Variants in CARF observed in about 807,000 individuals in gnomAD.
CARF encodes calcium responsive transcription factor.
A neutral mutation model predicts 82.0 loss-of-function variants in CARF; 57 were observed. The ratio of observed to expected loss-of-function variants is 0.70; its 90% CI spans 0.56 to 0.87. CARF has a LOEUF of 0.87. Among genes scored for constraint, CARF ranks in the 40% least tolerant of loss-of-function variants. CARF has a pLI of 0.00. For missense variants in CARF, 771 were observed against 855.8 expected, an observed-to-expected ratio of 0.90 and a Z score of 1.24; for synonymous variants, 268 against 290.1, an observed-to-expected ratio of 0.92 and a Z score of 0.77.
In CARF at chr2:202,969,992, A is replaced by G; in HGVS notation, c.1027A>G (p.Ile343Val). 6.3e-7 allele frequency: 1 copy of G among 1,578,286 alleles called. No individual in the cohort carries two copies. The highest frequency in any genetic ancestry group is 8.5e-7 in the Non-Finnish European group (1 of 1,170,128). The change falls in exon 11 of 17, where the codon ATC (isoleucine) becomes GTC (valine). Residue 343 changes from isoleucine (I) to valine (V), a missense_variant. Coordinates refer to ENST00000438828, the MANE Select transcript of CARF (RefSeq NM_024744.17). ...PTDPKIDKKI[I>V]RMEQEKAFNM... ...AGACCCCAAAATTGACAAGAAAATTATCAGAATGGAGCAGGAGAAAGCTTT... is the reference window on the plus strand; with the variant it reads ...AGACCCCAAAATTGACAAGAAAATTGTCAGAATGGAGCAGGAGAAAGCTTT...
intron 3 of CARF, among the ~76,000 whole-genome samples, chr2:202,934,059 T>A (rs1204362650): frequency 6.6e-6 from 1 of 151,800 alleles, no homozygotes; most frequent in Non-Finnish European, 1.5e-5. Context: ...AAAAAAAATA[T>A]CAAAAAAAAA....
At chr2:202,961,654 T>A in intron 9 of CARF, 1 of 501,694 alleles carries the variant, frequency 2.0e-6, no homozygotes, top group Middle Eastern at 5.2e-4. Flanking sequence ...TCATATATTA[T>A]ACTGAAAAAT....
intron 3 of CARF, chr2:202,925,941 C>T: frequency 6.2e-6 from 1 of 161,088 alleles, no homozygotes; most frequent in Non-Finnish European, 1.4e-5. Context: ...CAAGCTTTGG[C>T]CACAAGTATG....
chr2:202,951,322 G>C (rs1351475145), intron 5 of CARF, among the ~76,000 whole-genome samples: 1 of 152,112 alleles, frequency 6.6e-6, no homozygotes, highest in African/African-American at 2.4e-5. Flanking sequence ...ATGAGCCACT[G>C]TATCTGGCCT....
chr2:202,946,279 T>C (rs1321284135), intron 5 of CARF, among the ~76,000 whole-genome samples: 2 of 152,214 alleles, frequency 1.3e-5, no homozygotes, highest in African/African-American at 4.8e-5. Flanking sequence ...CCAAACAGCA[T>C]GGTACTGGTA....
rs1467590013 is a variant in CARF, at chr2:202,971,648, C to T, written c.1241C>T (p.Pro414Leu). 4 of 1,613,548 alleles carry T rather than the reference C, an allele frequency of 2.5e-6. No homozygotes were observed. The highest frequency in any genetic ancestry group is 3.4e-6 in the Non-Finnish European group (4 of 1,179,762). ...GTTAGAGATGAGAATTGTGCATTAC[C>T]CTCACGTTTACATCCTCAAGTAGCA... ...TAVRDENCAL[P>L]SRLHPQVAHK... Residue 414 changes from proline (P) to leucine (L), a missense_variant, in exon 12 of 17, where the codon CCC (proline) becomes CTC (leucine). Physicochemically the swap from Pro to Leu is moderately conservative, Grantham distance 98 (BLOSUM62 -3). Coordinates refer to ENST00000438828, the MANE Select transcript of CARF (RefSeq NM_024744.17).
intron 9 of CARF, 185 bp downstream of exon 9, chr2:202,961,611 T>C (rs989877754): frequency 1.7e-6 from 1 of 573,788 alleles, no homozygotes. Context: ...TAATATTGCA[T>C]TTTAATATAT....
intron 13 of CARF, among the ~76,000 whole-genome samples, chr2:202,976,407 CACGTGA>C (rs1338361911): frequency 6.6e-6 from 1 of 152,082 alleles, no homozygotes; most frequent in African/African-American, 2.4e-5. Context: ...CTCCTGACCT[CACGTGA>C]TCTGCCCTCC....
rs759510948 is a variant in CARF, at chr2:202,967,091, C to A, written c.946C>A (p.Pro316Thr). ...TTGTCAGCTCTACAAAGCCACTTGT[C>A]CAGCTCGGTAAGCTTTATTTTCTTT... ...RSCQLYKATC[P>T]ARIYIKKVQK... is the part of the protein sequence containing the mutation. The change falls in exon 10 of 17, where the codon CCA becomes ACA. Residue 316 changes from proline to threonine, a missense_variant. Coordinates refer to ENST00000438828, the MANE Select transcript of CARF (RefSeq NM_024744.17). 2 of 1,613,324 alleles carry A rather than the reference C, an allele frequency of 1.2e-6. No homozygotes were observed. The highest frequency in any genetic ancestry group is 2.2e-5 in the South Asian group (2 of 90,936).
chr2:202,950,247 G>A (rs1308277079), intron 5 of CARF, among the ~76,000 whole-genome samples: 8 of 152,220 alleles, frequency 5.3e-5, no homozygotes, highest in Admixed American at 4.6e-4. Context: ...TACTATGCTT[G>A]GGAAACATAG....
chr2:202,943,587 TACACACACACACACACACACAC>T (rs754214990), intron 5 of CARF, among the ~76,000 whole-genome samples: 4 of 115,160 alleles, frequency 3.5e-5, no homozygotes, highest in African/African-American at 1.3e-4. Context: ...TAATGGAATG[TACACACACACACACACACACAC>T]ACACACACAC....
At chr2:202,981,814 A>G in intron 15 of CARF, 129 bp downstream of exon 15, 1 of 1,025,270 alleles carries the variant, frequency 9.8e-7, no homozygotes, top group Non-Finnish European at 1.4e-6. Flanking sequence ...TTTCATTGTT[A>G]ATTTCCTGAT....
chr2:202,974,511 A>G lies in CARF; in HGVS notation c.1494+15A>G, dbSNP rs775573984. 3.5e-5 allele frequency: 56 copies of G among 1,578,658 alleles called. No homozygotes were observed. In the East Asian group the frequency reaches 4.8e-4, roughly 14 times the overall value. The stretch of plus-strand genomic sequence containing the variant: ...TTCCAGCAACGGTATGATTACAACC[A>G]TAATTCCTTATTACAGAGTCTTTCT... On this transcript the variant is annotated intron_variant, in intron 13 of 16. Coordinates refer to ENST00000438828, the MANE Select transcript of CARF (RefSeq NM_024744.17).
In CARF at chr2:202,987,751, C is replaced by G. The variant is rs2060489708; in HGVS notation, c.*4127C>G. On this transcript the variant is annotated 3_prime_UTR_variant, in exon 17 of 17. Coordinates refer to ENST00000438828, the MANE Select transcript of CARF (RefSeq NM_024744.17). The stretch of plus-strand genomic sequence containing the variant: ...GTAATGTGATTTGGGTATAAGAATA[C>G]TAAAACCAGAGTACAGGGTGTGAAT... Among the ~76,000 whole-genome samples, 1 of 152,180 alleles carries G rather than the reference C, an allele frequency of 6.6e-6. No homozygotes were observed. Among genetic ancestry groups the G allele is most frequent in the Non-Finnish European group, 1.5e-5 (1 of 67,994 alleles).
At chr2:202,952,770 T>C in intron 6 of CARF, 91 bp downstream of exon 6, 1 of 1,285,008 alleles carries the variant, frequency 7.8e-7, no homozygotes, top group Non-Finnish European at 1.1e-6. Flanking sequence ...GTGCTAAAGT[T>C]GATTTCTTTA....
chr2:202,943,587 T>TAC (rs754214990), intron 5 of CARF, among the ~76,000 whole-genome samples: 13,315 of 115,026 alleles, frequency 0.12, 945 homozygotes, highest in East Asian at 0.33. Flanking sequence ...TAATGGAATG[T>TAC]ACACACACAC....
intron 2 of CARF, among the ~76,000 whole-genome samples, chr2:202,920,366 A>G (rs556532982): frequency 1.3e-5 from 2 of 152,146 alleles, no homozygotes; most frequent in African/African-American, 2.4e-5. Context: ...CATGTTAGCC[A>G]TGATGGTCTT....
At chr2:202,971,788 C>A in intron 12 of CARF, 50 bp downstream of exon 12, 1 of 1,380,796 alleles carries the variant, frequency 7.2e-7, no homozygotes, top group Non-Finnish European at 1.0e-6. Flanking sequence ...TTGTTTGTTG[C>A]TTTAAATAAT....
At chr2:202,952,767 A>C (rs2058815358) in intron 6 of CARF, 88 bp downstream of exon 6, 2 of 1,324,380 alleles carry the variant, frequency 1.5e-6, no homozygotes, top group African/African-American at 3.0e-5. Flanking sequence ...TCAGTGCTAA[A>C]GTTGATTTCT....
Sources: gnomAD v4.1 joint callset for allele counts (sites outside exome capture counted in the v4.1 genomes callset) on GRCh38, gnomAD v4.1.1 for gene constraint, MANE v1.5 for transcripts, NCBI Gene and HGNC (gene_info 2026-07-23, HGNC 2026-07-21) for gene names.